FSTL4: variants seen among roughly 807,000 people sequenced by gnomAD.
FSTL4 encodes the protein follistatin like 4, also known as follistatin-related protein 4.
FSTL4 carries 28 observed loss-of-function variants against 78.2 expected under a neutral mutation model. The ratio of observed to expected loss-of-function variants is 0.36; its 90% CI spans 0.27 to 0.49. The LOEUF (loss-of-function observed/expected upper bound fraction) is 0.49. Ranked by LOEUF, FSTL4 falls within the 20% of genes least tolerant of loss-of-function variation. The probability of loss-of-function intolerance (pLI) is 0.98; values close to 1 mark genes in which losing one functional copy is unlikely to be tolerated. For synonymous variants in FSTL4, 422 were observed against 440.5 expected, an observed-to-expected ratio of 0.96 and a Z score of 0.53; for missense variants, 922 against 1,084.9, an observed-to-expected ratio of 0.85 and a Z score of 2.11.
Position 133,561,505 on chromosome 5 carries a change from C to T in FSTL4, c.160+5681G>A, listed in dbSNP as rs77095708. 1.2e-3 allele frequency among the ~76,000 whole-genome samples: 183 copies of T among 152,200 alleles called. 1 individual carries two copies. The highest frequency in any genetic ancestry group is 3.9e-3 in the African/African-American group (164 of 41,520). On this transcript the variant is annotated intron_variant, in intron 3 of 15. Transcript: ENST00000265342. ...GGGGGAAAAGTTTCACCCTCTGAGACGGTGAGCAGGCAGGACTCTGAGCTG... is the reference window on the plus strand; with the variant it reads ...GGGGGAAAAGTTTCACCCTCTGAGATGGTGAGCAGGCAGGACTCTGAGCTG...
chr5:133,383,017 G>T (rs1183016532), intron 4 of FSTL4, among the ~76,000 whole-genome samples: 2 of 152,134 alleles, frequency 1.3e-5, no homozygotes, highest in African/African-American at 4.8e-5. Context: ...CAGGCTCTGC[G>T]TGCCCACATG....
At chr5:133,543,148 T>C (rs1349258462) in intron 3 of FSTL4, among the ~76,000 whole-genome samples, 1 of 152,172 alleles carries the variant, frequency 6.6e-6, no homozygotes, top group Non-Finnish European at 1.5e-5. Flanking sequence ...ACTCCTTGGC[T>C]CAAGTGATCC....
chr5:133,841,746 A>C, the FSTL4 span, among the ~76,000 whole-genome samples: 1 of 152,196 alleles, frequency 6.6e-6, no homozygotes, highest in Admixed American at 6.5e-5. Context: ...CATTCTTTCC[A>C]TTATGCCATG....
At chr5:133,735,461 T>TA in the FSTL4 span, among the ~76,000 whole-genome samples, 120 of 152,172 alleles carry the variant, frequency 7.9e-4, no homozygotes, top group Middle Eastern at 6.8e-3. Context: ...AGACACCATC[T>TA]AAAAAAACAA....
chr5:133,566,475 G>A (rs985498299), intron 3 of FSTL4, among the ~76,000 whole-genome samples: 11 of 152,026 alleles, frequency 7.2e-5, no homozygotes, highest in Non-Finnish European at 1.2e-4. Context: ...ACTCATTTTC[G>A]TTTCTGATCT....
rs191176589 is a variant in FSTL4, at chr5:133,409,091, A to G, written c.161-8105T>C. On this transcript the variant is annotated intron_variant, in intron 3 of 15. Transcript: ENST00000265342. ...TACCCAAAGGAAATGCTTCCCTTGCAATTTCCCTTGCGCCAGGGCTTCACT... is the reference window on the plus strand; with the variant it reads ...TACCCAAAGGAAATGCTTCCCTTGCGATTTCCCTTGCGCCAGGGCTTCACT... 1.3e-3 allele frequency among the ~76,000 whole-genome samples: 203 copies of G among 152,322 alleles called. 2 individuals are homozygous for G. In the Middle Eastern group the frequency reaches 0.027, roughly 20 times the overall value.
chr5:133,837,901 A>T, the FSTL4 span, among the ~76,000 whole-genome samples: 1 of 151,666 alleles, frequency 6.6e-6, no homozygotes, highest in Non-Finnish European at 1.5e-5. Context: ...ATATATATAT[A>T]TTTTAGGACA....
intron 3 of FSTL4, among the ~76,000 whole-genome samples, chr5:133,437,665 A>G (rs943967837): frequency 1.3e-5 from 2 of 151,470 alleles, no homozygotes; most frequent in African/African-American, 4.9e-5. Context: ...AATTTTTTGT[A>G]TTTTTAGTAG....
At chr5:133,324,664 GC>G (rs1286311029) in intron 4 of FSTL4, among the ~76,000 whole-genome samples, 1 of 152,220 alleles carries the variant, frequency 6.6e-6, no homozygotes, top group African/African-American at 2.4e-5. Context: ...CCAGCACCTG[GC>G]CCAGCATCCA....
Position 133,611,313 on chromosome 5 carries a change from C to A in FSTL4, c.-11+1012G>T, listed in dbSNP as rs1761087422. 6.6e-6 allele frequency among the ~76,000 whole-genome samples: 1 copy of A among 152,176 alleles called. No homozygotes were observed. Among genetic ancestry groups the A allele is most frequent in the South Asian group, 2.1e-4 (1 of 4,826 alleles). On this transcript the variant is annotated intron_variant, in intron 1 of 15. Transcript: ENST00000265342. The surrounding 1 kb of genome is among the most constrained non-coding windows in gnomAD (Gnocchi z 4.9). Reference sequence around the variant, plus strand: ...AAAACAAGAAACCCCACTGCCTCGGCGGCTTTCCGCTCCCGCAAGAGTTGC... The same window carrying A: ...AAAACAAGAAACCCCACTGCCTCGGAGGCTTTCCGCTCCCGCAAGAGTTGC...
the FSTL4 span, among the ~76,000 whole-genome samples, chr5:133,676,071 A>G: frequency 6.6e-6 from 1 of 152,220 alleles, no homozygotes; most frequent in African/African-American, 2.4e-5. Flanking sequence ...TGAATGAATT[A>G]GAATGTTTAC....
chr5:133,816,303 G>A, the FSTL4 span, among the ~76,000 whole-genome samples: 1 of 152,194 alleles, frequency 6.6e-6, no homozygotes, highest in African/African-American at 2.4e-5. Context: ...AGGACCACCT[G>A]GGAAAAGGCA....
the FSTL4 span, among the ~76,000 whole-genome samples, chr5:133,652,142 C>A: frequency 6.6e-6 from 1 of 151,928 alleles, no homozygotes; most frequent in Non-Finnish European, 1.5e-5. Flanking sequence ...TGTCTTCTGC[C>A]TTTTTTCTTA....
chr5:133,254,240 G>GTTGCAAGATGTCCA (rs1332061998), intron 6 of FSTL4, among the ~76,000 whole-genome samples: 1 of 152,212 alleles, frequency 6.6e-6, no homozygotes, highest in African/African-American at 2.4e-5. Context: ...TCTCTACTTG[G>GTTGCAAGATGTCCA]TTGCAAGATG....
chr5:133,788,744 G>A, the FSTL4 span, among the ~76,000 whole-genome samples: 1 of 152,136 alleles, frequency 6.6e-6, no homozygotes, highest in Non-Finnish European at 1.5e-5. Context: ...TTTTATTTAC[G>A]GTTTTTGTTA....
At chr5:133,335,137 T>C (rs936015558) in intron 4 of FSTL4, among the ~76,000 whole-genome samples, 9 of 152,184 alleles carry the variant, frequency 5.9e-5, no homozygotes, top group African/African-American at 1.7e-4. Flanking sequence ...TGGCTGGCCG[T>C]GGCTCCTGGC....
chr5:133,337,177 G>A (rs989210856), intron 4 of FSTL4, among the ~76,000 whole-genome samples: 3 of 152,236 alleles, frequency 2.0e-5, no homozygotes, highest in African/African-American at 7.2e-5. Flanking sequence ...TGGGGCTGTG[G>A]TGGGCAAGCT....
the FSTL4 span, among the ~76,000 whole-genome samples, chr5:133,790,468 A>G: frequency 2.6e-5 from 4 of 152,166 alleles, no homozygotes; most frequent in Non-Finnish European, 5.9e-5. Flanking sequence ...TCTGAGTGTC[A>G]TTATGCTCTC....
chr5:133,757,446 A>G, the FSTL4 span, among the ~76,000 whole-genome samples: 1 of 152,234 alleles, frequency 6.6e-6, no homozygotes, highest in Admixed American at 6.5e-5. Context: ...AATACTAGAC[A>G]GCACAGGTCT....
Sources: gnomAD v4.1 joint callset for allele counts (sites outside exome capture counted in the v4.1 genomes callset) on GRCh38, gnomAD v4.1.1 for gene constraint, Gnocchi (gnomAD v3.1) non-coding constraint, MANE v1.5 for transcripts, NCBI Gene and HGNC (gene_info 2026-07-23, HGNC 2026-07-21) for gene names.